PSMF1: variants seen among roughly 807,000 people sequenced by gnomAD.
The protein encoded by PSMF1 is proteasome inhibitor PI31 subunit.
Under a neutral mutation model 29.3 loss-of-function variants are expected in PSMF1, and 30 were observed. That is an observed-to-expected ratio of 1.02 (90% CI 0.77 to 1.39). The LOEUF is 1.39. Ranked by LOEUF, PSMF1 falls within the 40% of genes most tolerant of loss-of-function variation. PSMF1 has a pLI of 0.00. For synonymous variants in PSMF1, 134 were observed against 139.7 expected (o/e 0.96, Z 0.29); for missense variants, 344 against 357.5 (o/e 0.96, Z 0.31).
intron 4 of PSMF1, among the ~76,000 whole-genome samples, chr20:1,156,587 C>A (rs186973967): frequency 7.8e-4 from 118 of 152,160 alleles, no homozygotes; most frequent in African/African-American, 2.7e-3. Flanking sequence ...TCTTGGAGGC[C>A]AGAAAGAAGA....
At chr20:1,149,598 A>G (rs2086500109) in intron 4 of PSMF1, among the ~76,000 whole-genome samples, 1 of 152,244 alleles carries the variant, frequency 6.6e-6, no homozygotes, top group African/African-American at 2.4e-5. Context: ...CAAGTTGAAT[A>G]AGCATGGTTT....
In PSMF1 at chr20:1,164,917, C is replaced by A; in HGVS notation, c.765-112C>A. The A allele has an allele frequency of 1.0e-6, 1 of 968,312 alleles. No homozygotes were observed. The highest frequency in any genetic ancestry group is 1.6e-6 in the Non-Finnish European group (1 of 611,398). 60.0% of individuals were successfully genotyped at this position (968,312 alleles called of 1,614,324 possible). A position where few individuals can be genotyped will look rare whatever the true frequency, so the allele number is the denominator to read the frequency against. ...CTTGAGTGCATGTGTTTAAATTCCTCACACCGCCACATCATGTTGAAGGGC... is the reference window on the plus strand; with the variant it reads ...CTTGAGTGCATGTGTTTAAATTCCTAACACCGCCACATCATGTTGAAGGGC... On this transcript the variant is annotated intron_variant, in intron 6 of 6. Transcript: ENST00000335877. This position sits in a 1 kb window ranked among gnomAD's most constrained non-coding sequence, Gnocchi z 4.1.
Position 1,170,807 on chromosome 20 carries a change from G to C in PSMF1, c.*5727G>C, listed in dbSNP as rs1264680326. Among the ~76,000 whole-genome samples, 3 of 152,032 alleles carry C rather than the reference G, an allele frequency of 2.0e-5. No individual in the cohort carries two copies. Among genetic ancestry groups the C allele is most frequent in the Non-Finnish European group, 1.5e-5 (1 of 67,988 alleles). ...ATGGGTAGATAAGGGTGGGACTCAA[G>C]GACAAGAGAGGAACCTTGGAATATC... On this transcript the variant is annotated 3_prime_UTR_variant, in exon 7 of 7. Coordinates refer to ENST00000335877, the MANE Select transcript of PSMF1 (RefSeq NM_006814.5).
chr20:1,160,763 C>A, intron 4 of PSMF1: 1 of 428,522 alleles, frequency 2.3e-6, no homozygotes. Flanking sequence ...AGGCCCAGAG[C>A]AAGCACGGCA....
Position 1,165,296 on chromosome 20 carries a change from G to A in PSMF1, c.*216G>A. ...AGATAGCTCCCAAAGAGAAATCAGT[G>A]TGTCTCTTTCACCATCAGCTCCTCC... On this transcript the variant is annotated 3_prime_UTR_variant, in exon 7 of 7. Transcript: ENST00000335877. The A allele has an allele frequency of 5.0e-6, 7 of 1,411,446 alleles. No individual in the cohort carries two copies. The highest frequency in any genetic ancestry group is 1.6e-5 in the South Asian group (1 of 63,270). 87.4% of individuals were successfully genotyped at this position (1,411,446 alleles called of 1,614,324 possible). A position where few individuals can be genotyped will look rare whatever the true frequency, so the allele number is the denominator to read the frequency against.
intron 4 of PSMF1, among the ~76,000 whole-genome samples, chr20:1,158,065 A>G (rs1356915736): frequency 6.6e-6 from 1 of 152,160 alleles, no homozygotes; most frequent in Non-Finnish European, 1.5e-5. Context: ...TCAAGTGGCA[A>G]TCTTAACTTC....
At position 1,164,564 on chromosome 20, in the gene PSMF1, A is replaced by G; in HGVS notation, c.764+88A>G. 6.5e-7 allele frequency: 1 copy of G among 1,532,204 alleles called. No individual in the cohort carries two copies. The highest frequency in any genetic ancestry group is 8.9e-7 in the Non-Finnish European group (1 of 1,119,846). The allele number at this position is 1,532,204 out of a possible 1,614,324, so 94.9% of individuals were successfully genotyped here. A position where few individuals can be genotyped will look rare whatever the true frequency, so the allele number is the denominator to read the frequency against. ...GCAATGAAGGTTTCTAGCCCCAGGCACAGAGCTGCCGCTGCCTTCACCTGT... is the reference window on the plus strand; with the variant it reads ...GCAATGAAGGTTTCTAGCCCCAGGCGCAGAGCTGCCGCTGCCTTCACCTGT... On this transcript the variant is annotated intron_variant, in intron 6 of 6. Transcript: ENST00000335877. The surrounding 1 kb of genome is among the most constrained non-coding windows in gnomAD (Gnocchi z 4.1).
In PSMF1 at chr20:1,164,479, A is replaced by G; in HGVS notation, c.764+3A>G. 6.2e-7 allele frequency: 1 copy of G among 1,614,056 alleles called. No homozygotes were observed. Among genetic ancestry groups the G allele is most frequent in the South Asian group, 1.1e-5 (1 of 91,072 alleles). Reference sequence around the variant, plus strand: ...CCCATTGGGACCAGCCCACCCGGGTACGTAGTCACTCAGGTATGCTGAGAA... The same window carrying G: ...CCCATTGGGACCAGCCCACCCGGGTGCGTAGTCACTCAGGTATGCTGAGAA... On this transcript the variant is annotated splice_donor_region_variant and intron_variant, in intron 6 of 6. Transcript: ENST00000335877. The surrounding 1 kb of genome is among the most constrained non-coding windows in gnomAD (Gnocchi z 4.1).
intron 3 of PSMF1, among the ~76,000 whole-genome samples, chr20:1,130,846 G>A (rs951456054): frequency 1.7e-4 from 26 of 152,204 alleles, no homozygotes; most frequent in African/African-American, 6.0e-4. Flanking sequence ...TCTTTGCTGT[G>A]TTGCCCTGGA....
In PSMF1 at chr20:1,166,114, C is replaced by A; in HGVS notation, c.*1034C>A. 6.4e-7 allele frequency: 1 copy of A among 1,553,810 alleles called. No individual in the cohort carries two copies. Among genetic ancestry groups the A allele is most frequent in the East Asian group, 2.4e-5 (1 of 41,390 alleles). ...TGGACCCCATGGGGCCCAGACAGAG[C>A]ACAGGAGCATGGGCTGCCTCTGAGT... On this transcript the variant is annotated 3_prime_UTR_variant, in exon 7 of 7. Transcript: ENST00000335877.
chr20:1,126,715 A>C (rs1459271808), intron 2 of PSMF1, among the ~76,000 whole-genome samples: 2 of 152,000 alleles, frequency 1.3e-5, no homozygotes, highest in Non-Finnish European at 2.9e-5. Flanking sequence ...TCTCTACTAA[A>C]AATATTTTTA....
At chr20:1,134,976 C>A (rs73071642) in intron 3 of PSMF1, 145 bp from the exon 4 acceptor site, 1 of 782,220 alleles carries the variant, frequency 1.3e-6, no homozygotes, top group South Asian at 1.5e-5. Context: ...GTCCAGCAGG[C>A]GGCCTGTTCC....
intron 4 of PSMF1, among the ~76,000 whole-genome samples, chr20:1,160,397 G>A (rs934935165): frequency 6.6e-6 from 1 of 151,960 alleles, no homozygotes; most frequent in African/African-American, 2.4e-5. Flanking sequence ...CAGGCTGACT[G>A]CAGTTTCCTT....
At chr20:1,159,062 A>G (rs1354801312) in intron 4 of PSMF1, among the ~76,000 whole-genome samples, 1 of 133,704 alleles carries the variant, frequency 7.5e-6, no homozygotes, top group African/African-American at 2.8e-5. Context: ...TCTCACAAAA[A>G]AAAAAAAAAG....
At chr20:1,129,217 G>A (rs1431063864) in intron 3 of PSMF1, among the ~76,000 whole-genome samples, 1 of 151,978 alleles carries the variant, frequency 6.6e-6, no homozygotes, top group Non-Finnish European at 1.5e-5. Context: ...TTTTGCTGTT[G>A]GCCAGGCTGG....
intron 4 of PSMF1, among the ~76,000 whole-genome samples, chr20:1,150,410 G>A (rs6108702): frequency 0.084 from 12,719 of 151,990 alleles, 559 homozygotes; most frequent in Middle Eastern, 0.12. Flanking sequence ...TCCACCCACT[G>A]TTGCTTTTGC....
chr20:1,143,256 T>A (rs2086406318), intron 4 of PSMF1, among the ~76,000 whole-genome samples: 1 of 152,214 alleles, frequency 6.6e-6, no homozygotes. Context: ...TAGGGCTAAT[T>A]ATATAGCTAA....
Position 1,165,944 on chromosome 20 carries a change from G to A in PSMF1, c.*864G>A. 1 of 1,356,044 alleles carries A rather than the reference G, an allele frequency of 7.4e-7. No individual in the cohort carries two copies. Among genetic ancestry groups the A allele is most frequent in the Non-Finnish European group, 9.5e-7 (1 of 1,050,448 alleles). The allele number at this position is 1,356,044 out of a possible 1,614,324, so 84.0% of individuals were successfully genotyped here. A position where few individuals can be genotyped will look rare whatever the true frequency, so the allele number is the denominator to read the frequency against. ...GGCCTTGTGCCAAGCCTATGAAATT[G>A]GAGGTGGCTTTCCTGCTCTAAAGCA... On this transcript the variant is annotated 3_prime_UTR_variant, in exon 7 of 7. Coordinates refer to ENST00000335877, the MANE Select transcript of PSMF1 (RefSeq NM_006814.5).
chr20:1,145,151 G>A (rs1387575451), intron 4 of PSMF1, among the ~76,000 whole-genome samples: 2 of 152,178 alleles, frequency 1.3e-5, no homozygotes, highest in Non-Finnish European at 2.9e-5. Context: ...CTCTCAAAGG[G>A]CTGGGATCAT....
Sources: allele counts gnomAD v4.1 joint callset (sites outside exome capture counted in the v4.1 genomes callset), GRCh38; gene constraint gnomAD v4.1.1; non-coding constraint Gnocchi (gnomAD v3.1); transcripts MANE v1.5; gene names NCBI Gene and HGNC (gene_info 2026-07-23, HGNC 2026-07-21).